Variants in TATDN1 observed in about 807,000 individuals in gnomAD.
TATDN1 encodes TatD DNase domain containing 1.
A neutral mutation model predicts 46.4 loss-of-function variants in TATDN1; 40 were observed. The observed-to-expected ratio is 0.86, with a 90% CI of 0.67 to 1.12. The LOEUF (loss-of-function observed/expected upper bound fraction) is 1.12, where lower values mean the gene tolerates loss of function less well. TATDN1 is among the 50% of genes most tolerant of loss of function. The pLI is 0.00. For synonymous variants in TATDN1, 95 were observed against 105.6 expected, an observed-to-expected ratio of 0.90 and a Z score of 0.62; for missense variants, 326 against 348.4, an observed-to-expected ratio of 0.94 and a Z score of 0.51.
At chr8:124,498,788 T>C (rs1019926974) in intron 9 of TATDN1, among the ~76,000 whole-genome samples, 1 of 151,812 alleles carries the variant, frequency 6.6e-6, no homozygotes, top group Non-Finnish European at 1.5e-5. Context: ...GTAGCTGAGA[T>C]TACAGGCGCA....
rs1239754430 is a variant in TATDN1 at position 124,497,164 on chromosome 8, A to G, written c.594-1622T>C. The stretch of plus-strand genomic sequence containing the variant: ...ATCTCCTGCATCTTTTCCCCCTTCA[A>G]ATTTATCTGTTGAAGAAACCAAGCT... On this transcript the variant is annotated intron_variant, in intron 9 of 11. Transcript: ENST00000276692. 2.0e-5 allele frequency among the ~76,000 whole-genome samples: 3 copies of G among 152,094 alleles called. No individual in the cohort carries two copies. In the East Asian group the frequency reaches 5.8e-4, roughly 29 times the overall value.
chr8:124,519,167 C>A (rs1819815152), intron 3 of TATDN1, among the ~76,000 whole-genome samples: 1 of 152,176 alleles, frequency 6.6e-6, no homozygotes, highest in South Asian at 2.1e-4. Context: ...ACAATGCATT[C>A]CTTGAGGACA....
chr8:124,534,051 C>T (rs541350288), intron 1 of TATDN1, among the ~76,000 whole-genome samples: 13 of 142,204 alleles, frequency 9.1e-5, no homozygotes, highest in African/African-American at 3.4e-4. Flanking sequence ...GAGGCTGAGG[C>T]AGGAGAATGG....
intron 3 of TATDN1, 107 bp downstream of exon 3, chr8:124,522,044 C>A: frequency 1.5e-6 from 1 of 683,122 alleles, no homozygotes. Flanking sequence ...ACAATATGTA[C>A]CCCAACTGTG....
At chr8:124,501,679 G>C (rs1343557799) in intron 9 of TATDN1, among the ~76,000 whole-genome samples, 2 of 151,912 alleles carry the variant, frequency 1.3e-5, no homozygotes, top group Non-Finnish European at 2.9e-5. Context: ...ACTTTTTTTG[G>C]AAGGAGGGAA....
chr8:124,537,499 A>T lies in TATDN1; in HGVS notation c.22+1526T>A, dbSNP rs554002622. ...TGTATGGTGTGTAAGCATTTAGGCT[A>T]TCCTGAGGAGCGTAAATGAAAGATT... On this transcript the variant is annotated intron_variant, in intron 1 of 11. Transcript: ENST00000276692. 3.3e-5 allele frequency among the ~76,000 whole-genome samples: 5 copies of T among 152,348 alleles called. No homozygotes were observed. The South Asian group carries it at 6.2e-4, about 19-fold the overall frequency.
chr8:124,491,290 T>C (rs1385738467), intron 11 of TATDN1: 5 of 152,302 alleles, frequency 3.3e-5, no homozygotes, highest in Admixed American at 2.0e-4. Context: ...CTTCCCAGAC[T>C]TGACTTCTGC....
intron 3 of TATDN1, among the ~76,000 whole-genome samples, chr8:124,521,053 C>T (rs1461822959): frequency 1.3e-5 from 2 of 151,370 alleles, no homozygotes; most frequent in Non-Finnish European, 2.9e-5. Context: ...AAATGCTTTA[C>T]ACTCAATATT....
intron 9 of TATDN1, among the ~76,000 whole-genome samples, chr8:124,496,241 C>T (rs921208238): frequency 1.3e-5 from 2 of 152,168 alleles, no homozygotes; most frequent in Admixed American, 6.5e-5. Context: ...AGGTTTACAG[C>T]AATAAAAAGT....
chr8:124,495,558 A>G lies in TATDN1; in HGVS notation c.594-16T>C, dbSNP rs768234152. ...TTTCAGTGAGCTTAAAAAAAAGTGT[A>G]TATTTATTTTAAAAGGCAGCAATTA... On this transcript the variant is annotated splice_polypyrimidine_tract_variant and intron_variant, in intron 9 of 11. Transcript: ENST00000276692. The G allele has an allele frequency of 6.3e-6, 10 of 1,576,878 alleles. No homozygotes were observed. The East Asian group carries it at 1.6e-4, about 25-fold the overall frequency.
intron 1 of TATDN1, among the ~76,000 whole-genome samples, chr8:124,534,366 C>A (rs999595267): frequency 6.6e-6 from 1 of 152,130 alleles, no homozygotes; most frequent in Non-Finnish European, 1.5e-5. Flanking sequence ...TGGAACATAG[C>A]CACACCTATT....
chr8:124,528,326 G>A (rs1313791846), intron 1 of TATDN1, among the ~76,000 whole-genome samples: 15 of 151,894 alleles, frequency 9.9e-5, no homozygotes, highest in East Asian at 3.9e-4. Flanking sequence ...GGCGCCTGCC[G>A]CCACACCCGG....
chr8:124,535,203 A>G (rs988696849), intron 1 of TATDN1, among the ~76,000 whole-genome samples: 2 of 152,190 alleles, frequency 1.3e-5, no homozygotes, highest in Non-Finnish European at 2.9e-5. Context: ...AGCATACAAA[A>G]AGACACTTAG....
chr8:124,524,676 G>A (rs918247674), intron 1 of TATDN1, among the ~76,000 whole-genome samples: 8 of 152,196 alleles, frequency 5.3e-5, no homozygotes, highest in Non-Finnish European at 1.2e-4. Context: ...ATTCAAGAGA[G>A]ACTACTGACA....
chr8:124,503,390 G>A (rs575662047), intron 9 of TATDN1, among the ~76,000 whole-genome samples: 142 of 152,248 alleles, frequency 9.3e-4, no homozygotes, highest in African/African-American at 3.2e-3. Flanking sequence ...GTTCATATCT[G>A]TTAGTACTAC....
At chr8:124,512,970 A>G (rs993573608) in intron 6 of TATDN1, among the ~76,000 whole-genome samples, 1 of 151,720 alleles carries the variant, frequency 6.6e-6, no homozygotes, top group African/African-American at 2.4e-5. Context: ...GCTGGAGTCC[A>G]ATGTCACGAT....
At chr8:124,495,368 T>C (rs926075283) in intron 10 of TATDN1, 104 bp downstream of exon 10, 2 of 832,772 alleles carry the variant, frequency 2.4e-6, no homozygotes, top group African/African-American at 3.5e-5. Flanking sequence ...CATGCTGTTT[T>C]AAAATACTTG....
At chr8:124,518,784 C>A in intron 4 of TATDN1, 34 bp downstream of exon 4, 17 of 1,482,634 alleles carry the variant, frequency 1.1e-5, no homozygotes, top group African/African-American at 2.8e-5. Context: ...TTACTTAATT[C>A]ATTTTTTTTT....
At position 124,515,877 on chromosome 8, in the gene TATDN1, T is replaced by C. The variant is rs375523454; in HGVS notation, c.346+10A>G. The C allele has an allele frequency of 1.9e-6, 3 of 1,613,962 alleles. No homozygotes were observed. Among genetic ancestry groups the C allele is most frequent in the African/African-American group, 2.7e-5 (2 of 74,938 alleles). On this transcript the variant is annotated intron_variant, in intron 5 of 11. Transcript: ENST00000276692. ...ACAATGTCACTCTAAGAGGCGAGGC[T>C]GGCACTCACCAAGTCCGCATTCTCC...
Sources: allele counts gnomAD v4.1 joint callset (sites outside exome capture counted in the v4.1 genomes callset), GRCh38; gene constraint gnomAD v4.1.1; transcripts MANE v1.5; gene names NCBI Gene and HGNC (gene_info 2026-07-23, HGNC 2026-07-21).